CNTNAP2: variants seen among roughly 807,000 people sequenced by gnomAD.
CNTNAP2 encodes contactin-associated protein-like 2.
CNTNAP2 carries 98 observed loss-of-function variants against 155.2 expected under a neutral mutation model. That is an observed-to-expected ratio of 0.63 (90% CI 0.54 to 0.75). The LOEUF (loss-of-function observed/expected upper bound fraction) is 0.75. CNTNAP2 is among the 30% of genes least tolerant of loss of function. The pLI is 0.00. For synonymous variants in CNTNAP2, 651 were observed against 631.2 expected (o/e 1.03, Z -0.47); for missense variants, 1,727 against 1,688.1 (o/e 1.02, Z -0.40).
chr7:147,782,147 C>G (rs10247973), intron 13 of CNTNAP2, among the ~76,000 whole-genome samples: 4,024 of 152,096 alleles, frequency 0.026, 186 homozygotes, highest in African/African-American at 0.091. Context: ...TTATAGACAT[C>G]TATCTCACCA....
chr7:146,714,491 C>G (rs958542262), intron 1 of CNTNAP2, among the ~76,000 whole-genome samples: 4 of 152,150 alleles, frequency 2.6e-5, no homozygotes, highest in African/African-American at 9.7e-5. Context: ...CATATCTAAA[C>G]CTCAGGTGAG....
chr7:147,223,512 C>A (rs1803452498), intron 8 of CNTNAP2, among the ~76,000 whole-genome samples: 1 of 152,110 alleles, frequency 6.6e-6, no homozygotes, highest in African/African-American at 2.4e-5. Context: ...GGCTTTATAC[C>A]CTGAGGCATT....
At chr7:146,606,787 A>G (rs1328058154) in intron 1 of CNTNAP2, among the ~76,000 whole-genome samples, 3 of 152,074 alleles carry the variant, frequency 2.0e-5, no homozygotes. Context: ...AACATTGTTC[A>G]CTCCATTTTC....
At chr7:146,751,886 G>A (rs564990813) in intron 1 of CNTNAP2, among the ~76,000 whole-genome samples, 5 of 152,018 alleles carry the variant, frequency 3.3e-5, no homozygotes, top group East Asian at 1.9e-4. Context: ...TTTGGTTTTC[G>A]GTTCTTGTGT....
chr7:146,588,398 C>A (rs1318064440), intron 1 of CNTNAP2, among the ~76,000 whole-genome samples: 1 of 151,892 alleles, frequency 6.6e-6, no homozygotes, highest in Non-Finnish European at 1.5e-5. Flanking sequence ...CATGTGTAGA[C>A]TGAGATACAA....
intron 1 of CNTNAP2, among the ~76,000 whole-genome samples, chr7:146,541,718 C>T (rs2129141142): frequency 6.6e-6 from 1 of 152,062 alleles, no homozygotes; most frequent in Admixed American, 6.6e-5. Flanking sequence ...TCTCCCACTG[C>T]CAGCCATACA....
chr7:148,075,258 G>A (rs1175065875), intron 15 of CNTNAP2, among the ~76,000 whole-genome samples: 1 of 152,114 alleles, frequency 6.6e-6, no homozygotes, highest in African/African-American at 2.4e-5. Context: ...CCAACATGGT[G>A]AAACCCCGTC....
At chr7:147,475,185 G>T (rs1798295681) in intron 10 of CNTNAP2, among the ~76,000 whole-genome samples, 1 of 152,132 alleles carries the variant, frequency 6.6e-6, no homozygotes, top group Admixed American at 6.5e-5. Flanking sequence ...AAACAATGAT[G>T]CAATAAACAT....
chr7:146,200,903 G>C (rs558314683), intron 1 of CNTNAP2, among the ~76,000 whole-genome samples: 2 of 152,116 alleles, frequency 1.3e-5, no homozygotes, highest in Non-Finnish European at 2.9e-5. Flanking sequence ...AACCAAAAGA[G>C]ACGTTGCAGG....
At chr7:147,219,142 A>G (rs528919623) in intron 8 of CNTNAP2, among the ~76,000 whole-genome samples, 1 of 152,232 alleles carries the variant, frequency 6.6e-6, no homozygotes, top group East Asian at 1.9e-4. Context: ...ATTCTTTTAT[A>G]ATGAACCCAT....
At chr7:148,374,933 T>G (rs539648175) in intron 21 of CNTNAP2, among the ~76,000 whole-genome samples, 1 of 152,322 alleles carries the variant, frequency 6.6e-6, no homozygotes, top group Non-Finnish European at 1.5e-5. Flanking sequence ...GTACATCCAT[T>G]ATTCTGAAAG....
chr7:146,937,686 T>TA (rs1042243288), intron 3 of CNTNAP2, among the ~76,000 whole-genome samples: 45 of 152,134 alleles, frequency 3.0e-4, no homozygotes, highest in African/African-American at 8.0e-4. Context: ...TTTATTTTAT[T>TA]AAAAAAATGC....
At chr7:147,469,294 C>G (rs561987563) in intron 10 of CNTNAP2, among the ~76,000 whole-genome samples, 1 of 152,134 alleles carries the variant, frequency 6.6e-6, no homozygotes, top group Non-Finnish European at 1.5e-5. Context: ...AAGTATCTTA[C>G]AAAGGAAGTA....
intron 15 of CNTNAP2, among the ~76,000 whole-genome samples, chr7:148,105,328 CA>C (rs1306560538): frequency 6.6e-6 from 1 of 151,984 alleles, no homozygotes; most frequent in Non-Finnish European, 1.5e-5. Flanking sequence ...AAAGACAATC[CA>C]AAAAGAGGAA....
At chr7:146,465,362 G>A (rs1418068430) in intron 1 of CNTNAP2, among the ~76,000 whole-genome samples, 1 of 152,152 alleles carries the variant, frequency 6.6e-6, no homozygotes, top group Non-Finnish European at 1.5e-5. Context: ...GCATTAAGGT[G>A]CAAGTCTGCA....
At chr7:146,761,356 T>C (rs1432398453) in intron 1 of CNTNAP2, among the ~76,000 whole-genome samples, 3 of 151,910 alleles carry the variant, frequency 2.0e-5, no homozygotes, top group Non-Finnish European at 4.4e-5. Flanking sequence ...GTGTGTTCCC[T>C]GAAAAGAGAG....
At chr7:148,365,738 GTATA>G (rs773359090) in intron 21 of CNTNAP2, among the ~76,000 whole-genome samples, 1,997 of 53,642 alleles carry the variant, frequency 0.037, 721 homozygotes, top group Non-Finnish European at 0.082. Context: ...ATATGTATGT[GTATA>G]CATGTATACA....
chr7:148,264,851 CA>C (rs1435168654), intron 20 of CNTNAP2, among the ~76,000 whole-genome samples: 1 of 152,160 alleles, frequency 6.6e-6, no homozygotes, highest in African/African-American at 2.4e-5. Flanking sequence ...AGTGCCACCA[CA>C]CCCAGCTACT....
rs535079499 is a variant in CNTNAP2, at chr7:147,147,614, T to C, written c.1348+15105T>C. Among the ~76,000 whole-genome samples the C allele has an allele frequency of 8.5e-5, 13 of 152,206 alleles. No individual in the cohort carries two copies. The South Asian group carries it at 2.7e-3, about 32-fold the overall frequency. The stretch of plus-strand genomic sequence containing the variant: ...TCTGCGTGGACTGTGGTCAGGATGA[T>C]TTTGCATCTTCTTTCAGTAGTCAGC... On this transcript the variant is annotated intron_variant, in intron 8 of 23. Transcript: ENST00000361727.
Sources: allele counts gnomAD v4.1 joint callset (sites outside exome capture counted in the v4.1 genomes callset), GRCh38; gene constraint gnomAD v4.1.1; transcripts MANE v1.5; gene names NCBI Gene and HGNC (gene_info 2026-07-23, HGNC 2026-07-21).